The following IGF1R variants were observed in gnomAD, a reference collection of about 807,000 sequenced individuals.
IGF1R encodes the protein insulin like growth factor 1 receptor, also known as insulin-like growth factor 1 receptor.
Under a neutral mutation model 144.6 loss-of-function variants are expected in IGF1R, and 44 were observed. The observed-to-expected ratio is 0.30, with a 90% CI of 0.24 to 0.39. IGF1R has a LOEUF of 0.39. Among genes scored for constraint, IGF1R ranks in the 10% least tolerant of loss-of-function variants. The probability of loss-of-function intolerance (pLI) is 1.00; values close to 1 mark genes in which losing one functional copy is unlikely to be tolerated. For missense variants in IGF1R, 1,355 were observed against 1,833.7 expected (o/e 0.74, Z 4.77); for synonymous variants, 795 against 722.8 (o/e 1.10, Z -1.60).
intron 2 of IGF1R, among the ~76,000 whole-genome samples, chr15:98,755,491 G>A (rs767674017): frequency 2.6e-5 from 4 of 151,684 alleles, no homozygotes; most frequent in African/African-American, 7.3e-5. Flanking sequence ...CTGTAATCCC[G>A]GCAATTTGGG....
At chr15:98,769,292 G>A (rs565957434) in intron 2 of IGF1R, among the ~76,000 whole-genome samples, 5 of 152,216 alleles carry the variant, frequency 3.3e-5, no homozygotes, top group East Asian at 1.9e-4. Context: ...TGCTTAAGTC[G>A]CTTAAGGCCT....
intron 2 of IGF1R, among the ~76,000 whole-genome samples, chr15:98,730,268 T>C (rs1396265007): frequency 6.6e-6 from 1 of 151,960 alleles, no homozygotes; most frequent in Non-Finnish European, 1.5e-5. Context: ...CAGTAAAACA[T>C]AGATATACAC....
intron 2 of IGF1R, among the ~76,000 whole-genome samples, chr15:98,882,828 A>G (rs755324229): frequency 1.3e-5 from 2 of 152,166 alleles, no homozygotes; most frequent in African/African-American, 2.4e-5. Flanking sequence ...CTCCTTGTAC[A>G]CACTGGACTT....
intron 2 of IGF1R, among the ~76,000 whole-genome samples, chr15:98,788,060 C>CTGTGTGTGTG (rs1275022774): frequency 1.9e-4 from 25 of 130,630 alleles, no homozygotes; most frequent in African/African-American, 6.9e-4. Context: ...CTCTCTCTCT[C>CTGTGTGTGTG]TCTGTGTGTG....
intron 20 of IGF1R, among the ~76,000 whole-genome samples, chr15:98,956,135 T>C (rs2016971572): frequency 6.6e-6 from 1 of 152,252 alleles, no homozygotes; most frequent in Non-Finnish European, 1.5e-5. Context: ...CGGCTTTCCT[T>C]GTCCACGTGT....
intron 2 of IGF1R, among the ~76,000 whole-genome samples, chr15:98,888,858 C>T (rs2013771362): frequency 1.3e-5 from 2 of 152,188 alleles, no homozygotes; most frequent in East Asian, 1.9e-4. Flanking sequence ...GTTAGCCTAG[C>T]GGCCCCACTC....
At chr15:98,880,916 A>T (rs2013338301) in intron 2 of IGF1R, 1 of 152,266 alleles carries the variant, frequency 6.6e-6, no homozygotes, top group African/African-American at 2.4e-5. Flanking sequence ...AACAAGACCC[A>T]GAAAGACTCA....
At chr15:98,909,251 C>CTTTTTTTTCT (rs2014880703) in intron 6 of IGF1R, among the ~76,000 whole-genome samples, 2 of 38,888 alleles carry the variant, frequency 5.1e-5, no homozygotes, top group Non-Finnish European at 7.0e-5. Flanking sequence ...TCTTTTTTTT[C>CTTTTTTTTCT]TTTTTTTTTC....
chr15:98,840,271 A>C (rs1047027137), intron 2 of IGF1R, among the ~76,000 whole-genome samples: 11 of 152,180 alleles, frequency 7.2e-5, no homozygotes, highest in African/African-American at 2.7e-4. Context: ...TACTGCAAAA[A>C]CAGTGCGCAC....
intron 1 of IGF1R, among the ~76,000 whole-genome samples, chr15:98,687,805 C>T (rs2053367221): frequency 6.6e-6 from 1 of 152,218 alleles, no homozygotes; most frequent in Admixed American, 6.5e-5. Flanking sequence ...AAGTGTCCAG[C>T]TGTAGAGCTC....
At position 98,664,252 on chromosome 15, in the gene IGF1R, A is replaced by C. The variant is rs61729640; in HGVS notation, c.94+14577A>C. 3.4e-3 allele frequency among the ~76,000 whole-genome samples: 515 copies of C among 152,194 alleles called. 4 individuals are homozygous for C. Among genetic ancestry groups the C allele is most frequent in the African/African-American group, 0.012 (499 of 41,514 alleles). ...TCCCTTTTCCCCCCAGTCTTGTTTC[A>C]TGACACCATTCCCCTCTGAGATGAG... is the stretch of plus-strand genomic sequence containing the variant. On this transcript the variant is annotated intron_variant, in intron 1 of 20. Transcript: ENST00000650285.
chr15:98,929,832 A>T (rs867493506), intron 14 of IGF1R, among the ~76,000 whole-genome samples, 172 bp downstream of exon 14: 19 of 152,346 alleles, frequency 1.2e-4, no homozygotes, highest in Admixed American at 2.0e-4. Context: ...AATGATTTTA[A>T]CAACAGCCAA....
intron 2 of IGF1R, among the ~76,000 whole-genome samples, chr15:98,863,784 C>T (rs1370328067): frequency 6.6e-6 from 1 of 152,186 alleles, no homozygotes; most frequent in East Asian, 1.9e-4. Context: ...GCAAATCTCT[C>T]GTTTTTGATA....
intron 2 of IGF1R, among the ~76,000 whole-genome samples, chr15:98,861,079 G>A (rs982674472): frequency 4.3e-5 from 6 of 138,252 alleles, no homozygotes; most frequent in African/African-American, 8.0e-5. Context: ...ACATCTCTCC[G>A]TCTCAGTCTG....
chr15:98,788,861 AC>A (rs1364253324), intron 2 of IGF1R, among the ~76,000 whole-genome samples: 1 of 152,166 alleles, frequency 6.6e-6, no homozygotes, highest in African/African-American at 2.4e-5. Context: ...AAAACTGTGT[AC>A]ATTACATTTT....
At chr15:98,749,066 A>G (rs1211046227) in intron 2 of IGF1R, among the ~76,000 whole-genome samples, 1 of 151,952 alleles carries the variant, frequency 6.6e-6, no homozygotes, top group East Asian at 1.9e-4. Flanking sequence ...CCGTTATTCA[A>G]GTTTTGTTGT....
chr15:98,717,937 C>T (rs2054158730), intron 2 of IGF1R, among the ~76,000 whole-genome samples: 1 of 152,102 alleles, frequency 6.6e-6, no homozygotes. Flanking sequence ...TCTTTGGTAA[C>T]GCTAGGTATA....
At chr15:98,879,099 A>C (rs2013236905) in intron 2 of IGF1R, among the ~76,000 whole-genome samples, 1 of 152,182 alleles carries the variant, frequency 6.6e-6, no homozygotes, top group South Asian at 2.1e-4. Context: ...ACGCCGAAGC[A>C]GGGCCGGTCC....
intron 20 of IGF1R, among the ~76,000 whole-genome samples, chr15:98,955,638 C>A (rs541302456): frequency 6.6e-6 from 1 of 152,348 alleles, no homozygotes; most frequent in African/African-American, 2.4e-5. Context: ...CACCCTCCCT[C>A]AAGGTTGCAC....
Sources: gnomAD v4.1 joint callset for allele counts (sites outside exome capture counted in the v4.1 genomes callset) on GRCh38, gnomAD v4.1.1 for gene constraint, MANE v1.5 for transcripts, NCBI Gene and HGNC (gene_info 2026-07-23, HGNC 2026-07-21) for gene names.